The following CNBD1 variants were observed in gnomAD, a reference collection of about 807,000 sequenced individuals.
CNBD1 encodes the protein cyclic nucleotide-binding domain-containing protein 1.
CNBD1 carries 71 observed loss-of-function variants against 54.4 expected under a neutral mutation model. The observed-to-expected ratio is 1.30, with a 90% confidence interval of 1.08 to 1.59. The LOEUF is 1.59. Among genes scored for constraint, CNBD1 ranks in the 40% most tolerant of loss-of-function variants. CNBD1 has a pLI of 0.00. For missense variants in CNBD1, 659 were observed against 518.0 expected (o/e 1.27, Z -2.64); for synonymous variants, 182 against 170.7 (o/e 1.07, Z -0.51).
chr8:86,941,937 T>G (rs1449098890), intron 4 of CNBD1, among the ~76,000 whole-genome samples: 1 of 152,214 alleles, frequency 6.6e-6, no homozygotes, highest in African/African-American at 2.4e-5. Flanking sequence ...AAGATCCTGA[T>G]GTACTATACG....
chr8:87,411,819 A>G (rs138386204), intron 2 of CNBD1, among the ~76,000 whole-genome samples: 173 of 152,008 alleles, frequency 1.1e-3, no homozygotes, highest in African/African-American at 3.8e-3. Context: ...CATCTTAGTG[A>G]CATTCTGATA....
chr8:87,425,861 C>T (rs1384856583), intron 2 of CNBD1, among the ~76,000 whole-genome samples: 123 of 152,208 alleles, frequency 8.1e-4, no homozygotes, highest in Non-Finnish European at 1.4e-3. Context: ...TTCGAGCTTC[C>T]CAGCTGCTTT....
At position 87,234,998 on chromosome 8, in the gene CNBD1, T is replaced by C. The variant is rs528996340; in HGVS notation, c.578-1921T>C. Among the ~76,000 whole-genome samples the C allele has an allele frequency of 2.0e-5, 3 of 152,354 alleles. No homozygotes were observed. The East Asian group carries it at 5.8e-4, about 29-fold the overall frequency. ...ATGCAACTTCTATATCAGCACTTGC[T>C]GTTTCACCTTGCACTTTATGTTATA... On this transcript the variant is annotated intron_variant, in intron 5 of 10. Coordinates refer to ENST00000518476, the MANE Select transcript of CNBD1 (RefSeq NM_173538.3).
chr8:87,159,216 T>G (rs1215372972), intron 4 of CNBD1, among the ~76,000 whole-genome samples: 1 of 152,178 alleles, frequency 6.6e-6, no homozygotes, highest in Non-Finnish European at 1.5e-5. Context: ...CCATCATCCT[T>G]GCTAGTGCAT....
chr8:86,922,004 G>A (rs1809282620), intron 3 of CNBD1, among the ~76,000 whole-genome samples: 1 of 152,034 alleles, frequency 6.6e-6, no homozygotes, highest in African/African-American at 2.4e-5. Flanking sequence ...TTACATTGAG[G>A]GCAGATGGTG....
At chr8:87,378,004 G>GT (rs1448096639) in intron 10 of CNBD1, among the ~76,000 whole-genome samples, 5 of 132,086 alleles carry the variant, frequency 3.8e-5, no homozygotes, top group African/African-American at 9.0e-5. Flanking sequence ...GGGGTTGTTT[G>GT]TTTTTTTCTT....
intron 8 of CNBD1, among the ~76,000 whole-genome samples, chr8:87,333,544 G>A (rs1262861668): frequency 2.6e-5 from 4 of 152,090 alleles, no homozygotes; most frequent in South Asian, 2.1e-4. Flanking sequence ...TTTGAGATAT[G>A]TTCCATCAAT....
At chr8:86,881,129 C>A (rs1037041772) in intron 1 of CNBD1, among the ~76,000 whole-genome samples, 3 of 152,134 alleles carry the variant, frequency 2.0e-5, no homozygotes, top group Non-Finnish European at 2.9e-5. Flanking sequence ...GACAAGGATG[C>A]CCTCTCTCAC....
intron 4 of CNBD1, among the ~76,000 whole-genome samples, chr8:87,028,366 C>T (rs765800119): frequency 6.6e-6 from 1 of 152,150 alleles, no homozygotes; most frequent in Non-Finnish European, 1.5e-5. Context: ...AGGAGATCTT[C>T]TAAGACTCCC....
chr8:87,177,467 T>A (rs907488326), intron 4 of CNBD1, among the ~76,000 whole-genome samples: 1 of 152,246 alleles, frequency 6.6e-6, no homozygotes, highest in African/African-American at 2.4e-5. Context: ...ATTTTAATAC[T>A]GAAGTTTTTT....
At chr8:87,104,227 G>C (rs969082595) in intron 4 of CNBD1, among the ~76,000 whole-genome samples, 2 of 151,926 alleles carry the variant, frequency 1.3e-5, no homozygotes, top group African/African-American at 4.9e-5. Flanking sequence ...AAGTTTAAAA[G>C]GCAAGTTTAA....
intron 4 of CNBD1, among the ~76,000 whole-genome samples, chr8:87,085,924 G>T (rs1018445471): frequency 2.0e-5 from 3 of 152,078 alleles, no homozygotes; most frequent in Non-Finnish European, 4.4e-5. Flanking sequence ...GTTTGCAGTT[G>T]TAATGGGTCC....
At chr8:86,873,090 T>A (rs576353071) in intron 1 of CNBD1, among the ~76,000 whole-genome samples, 9 of 150,448 alleles carry the variant, frequency 6.0e-5, no homozygotes, top group African/African-American at 1.7e-4. Context: ...TTGTTGTTGT[T>A]GTTGTTGTTT....
At chr8:86,897,927 G>A (rs1467875382) in intron 2 of CNBD1, among the ~76,000 whole-genome samples, 1 of 151,982 alleles carries the variant, frequency 6.6e-6, no homozygotes, top group African/African-American at 2.4e-5. Flanking sequence ...GTTCACTGCA[G>A]CATTTTTTTT....
rs564912730 is a variant in CNBD1, at chr8:87,371,923, G to T, written c.1304-10697G>T. Among the ~76,000 whole-genome samples, 435 of 151,552 alleles carry T rather than the reference G, an allele frequency of 2.9e-3. 3 individuals carry two copies. The highest frequency in any genetic ancestry group is 0.01 in the African/African-American group (411 of 41,100). On this transcript the variant is annotated intron_variant, in intron 10 of 10. Coordinates refer to ENST00000518476, the MANE Select transcript of CNBD1 (RefSeq NM_173538.3). ...ACTGGAAGCATTCCCTTTGAAAACTGGCACAAGACAGGGACGCCCTCTCTC... is the reference window on the plus strand; with the variant it reads ...ACTGGAAGCATTCCCTTTGAAAACTTGCACAAGACAGGGACGCCCTCTCTC...
chr8:87,135,291 G>T (rs989036760), intron 4 of CNBD1, among the ~76,000 whole-genome samples: 1 of 151,712 alleles, frequency 6.6e-6, no homozygotes, highest in African/African-American at 2.4e-5. Flanking sequence ...AATATACTAA[G>T]AGATGGAAAA....
intron 8 of CNBD1, among the ~76,000 whole-genome samples, chr8:87,318,654 G>C (rs1809452233): frequency 6.6e-6 from 1 of 152,002 alleles, no homozygotes; most frequent in Non-Finnish European, 1.5e-5. Flanking sequence ...TAGAATTAAA[G>C]AGAATGATAC....
At chr8:87,323,151 T>C (rs1660530403) in intron 8 of CNBD1, among the ~76,000 whole-genome samples, 1 of 125,384 alleles carries the variant, frequency 8.0e-6, no homozygotes, top group Admixed American at 7.8e-5. Context: ...TCTGTTCTAT[T>C]CCATTGATCT....
chr8:87,412,426 G>C (rs1286955412), intron 2 of CNBD1, among the ~76,000 whole-genome samples: 3 of 152,066 alleles, frequency 2.0e-5, no homozygotes, highest in African/African-American at 4.8e-5. Flanking sequence ...CAGAATAAAA[G>C]AAATGTGCCT....
Sources: gnomAD v4.1 joint callset for allele counts (sites outside exome capture counted in the v4.1 genomes callset) on GRCh38, gnomAD v4.1.1 for gene constraint, MANE v1.5 for transcripts, NCBI Gene and HGNC (gene_info 2026-07-23, HGNC 2026-07-21) for gene names.